Variants in PHLPP2 observed in about 807,000 individuals in gnomAD.
PHLPP2 encodes PH domain and leucine rich repeat protein phosphatase 2.
In PHLPP2, 66 loss-of-function variants were observed where a neutral mutation model predicts 124.9. That is an observed-to-expected ratio of 0.53 (90% confidence interval 0.43 to 0.65). PHLPP2 has a LOEUF of 0.65. Among genes scored for constraint, PHLPP2 ranks in the 30% least tolerant of loss-of-function variants. The pLI is 0.00. For synonymous variants in PHLPP2, 681 were observed against 624.7 expected, an observed-to-expected ratio of 1.09 and a Z score of -1.34; for missense variants, 1,685 against 1,600.4, an observed-to-expected ratio of 1.05 and a Z score of -0.90.
At position 71,713,944 on chromosome 16, in the gene PHLPP2, TC is replaced by T. The variant is rs200520804; in HGVS notation, c.284+567del. ...TTTTCAAAAAAAAAACAACAACTTT[TC>T]TTTTTTTTTTTTTTGAGACAGTGTC... is the stretch of plus-strand genomic sequence containing the variant. On this transcript the variant is annotated intron_variant, in intron 2 of 18. Transcript: ENST00000568954. Among the ~76,000 whole-genome samples the T allele has an allele frequency of 2.9e-3, 423 of 146,578 alleles. 5 individuals carry two copies. Among genetic ancestry groups the T allele is most frequent in the Non-Finnish European group, 4.6e-3 (305 of 66,520 alleles).
chr16:71,668,499 CGCCTGTAATCTCAACACTTTGGGAG>C (rs1567616242), intron 11 of PHLPP2, among the ~76,000 whole-genome samples: 2 of 150,092 alleles, frequency 1.3e-5, no homozygotes, highest in African/African-American at 4.9e-5. Context: ...TGGTGGCTCA[CGCCTGTAATCTCAACACTTTGGGAG>C]GCTGAGATGG....
chr16:71,663,788 G>T (rs901863208), intron 13 of PHLPP2, 111 bp downstream of exon 13: 2 of 807,748 alleles, frequency 2.5e-6, no homozygotes, highest in African/African-American at 1.7e-5. Flanking sequence ...CATAGCATCT[G>T]TAAGTCAGTG....
At position 71,672,291 on chromosome 16, in the gene PHLPP2, G is replaced by A. The variant is rs1267480214; in HGVS notation, c.1503C>T (p.Pro501=). The A allele has an allele frequency of 1.4e-5, 23 of 1,613,566 alleles. No individual in the cohort carries two copies. Among genetic ancestry groups the A allele is most frequent in the Admixed American group, 1.7e-5 (1 of 59,996 alleles). Residue 501 remains proline, a synonymous_variant, in exon 10 of 19, where the codon CCC becomes CCT. Transcript: ENST00000568954. ...AGAGATCCAAGAAAGTGAGCAGGCT[G>A]GGTACTGGATAGACGTTCACTGCTG... ...RLTAVNVYPV[P]SLLTFLDLSR...
chr16:71,648,813 G>C lies in PHLPP2; in HGVS notation c.*77C>G. 1.0e-6 allele frequency: 1 copy of C among 986,670 alleles called. No individual in the cohort carries two copies. The highest frequency in any genetic ancestry group is 1.5e-6 in the Non-Finnish European group (1 of 651,306). 61.1% of individuals were successfully genotyped at this position (986,670 alleles called of 1,614,324 possible). A position where few individuals can be genotyped will look rare whatever the true frequency, so the allele number is the denominator to read the frequency against. On this transcript the variant is annotated 3_prime_UTR_variant, in exon 19 of 19. Transcript: ENST00000568954. ...AAAAAACGAACAAACAAAAAGAAAT[G>C]TAGAGGCAGAATGCCTCTAGCAAGT... is the stretch of plus-strand genomic sequence containing the variant.
At chr16:71,711,156 C>A (rs1022032393) in intron 2 of PHLPP2, among the ~76,000 whole-genome samples, 6 of 151,992 alleles carry the variant, frequency 3.9e-5, no homozygotes, top group East Asian at 1.9e-4. Context: ...ATGGAGAAAC[C>A]CCGTCTCTAC....
intron 3 of PHLPP2, among the ~76,000 whole-genome samples, chr16:71,691,329 C>T (rs1165777703): frequency 1.3e-5 from 2 of 151,954 alleles, no homozygotes; most frequent in African/African-American, 4.8e-5. Context: ...GGCATGGTGG[C>T]GGACACCTAT....
intron 1 of PHLPP2, among the ~76,000 whole-genome samples, chr16:71,721,223 C>T (rs1249495056): frequency 4.3e-4 from 66 of 151,836 alleles, no homozygotes; most frequent in Non-Finnish European, 7.5e-4. Flanking sequence ...ATCCCAGCTA[C>T]TCAGGAAGCT....
At chr16:71,663,799 A>G in intron 13 of PHLPP2, 100 bp downstream of exon 13, 1 of 880,220 alleles carries the variant, frequency 1.1e-6, no homozygotes, top group East Asian at 2.6e-5. Flanking sequence ...TAAGTCAGTG[A>G]ACGTAAACAA....
Position 71,649,628 on chromosome 16 carries a change from A to C in PHLPP2, c.3234T>G (p.Ser1078=). 6.2e-7 allele frequency: 1 copy of C among 1,614,190 alleles called. No homozygotes were observed. Among genetic ancestry groups the C allele is most frequent in the Non-Finnish European group, 8.5e-7 (1 of 1,180,032 alleles). ...AGGTGGACATCTCACTGCTGAACTC[A>C]GAGGCAATCCCACTGCTAGAGGATG... ...ATPSSSSGIA[S]EFSSEMSTSE... is the part of the protein sequence containing the mutation. Residue 1078 remains serine, a synonymous_variant, in exon 19 of 19, where the codon TCT becomes TCG. Coordinates refer to ENST00000568954, the MANE Select transcript of PHLPP2 (RefSeq NM_015020.3).
chr16:71,664,226 A>T (rs76451430), intron 12 of PHLPP2, 127 bp from the exon 13 acceptor site: 1 of 668,178 alleles, frequency 1.5e-6, no homozygotes, highest in South Asian at 1.9e-5. Flanking sequence ...AAAAAAAAAA[A>T]TCTCCACGTA....
At chr16:71,714,206 C>T (rs1336919698) in intron 2 of PHLPP2, among the ~76,000 whole-genome samples, 1 of 152,066 alleles carries the variant, frequency 6.6e-6, no homozygotes, top group Non-Finnish European at 1.5e-5. Context: ...TCCCCAAGTG[C>T]TGGGATTATA....
intron 2 of PHLPP2, among the ~76,000 whole-genome samples, chr16:71,709,700 G>A (rs1337891987): frequency 6.6e-6 from 1 of 152,216 alleles, no homozygotes; most frequent in Non-Finnish European, 1.5e-5. Context: ...GCCAGCTGCA[G>A]GAATGTGCAT....
intron 12 of PHLPP2, among the ~76,000 whole-genome samples, chr16:71,665,897 T>C (rs1254458715): frequency 6.6e-6 from 1 of 152,228 alleles, no homozygotes; most frequent in Non-Finnish European, 1.5e-5. Context: ...TTGAAGACTA[T>C]CCAATCAACT....
chr16:71,720,669 A>T (rs986600596), intron 1 of PHLPP2, among the ~76,000 whole-genome samples: 28 of 151,130 alleles, frequency 1.9e-4, no homozygotes, highest in African/African-American at 6.1e-4. Flanking sequence ...CTTCAACACC[A>T]GCCTGACCAA....
In PHLPP2 at chr16:71,645,026, T is replaced by A. The variant is rs2044644075; in HGVS notation, c.*3864A>T. 3.5e-6 allele frequency: 1 copy of A among 282,330 alleles called. No individual in the cohort carries two copies. The highest frequency in any genetic ancestry group is 7.0e-6 in the Non-Finnish European group (1 of 143,552). The allele number at this position is 282,330 out of a possible 1,614,324, so 17.5% of individuals were successfully genotyped here. ...TTGCTGCAACATGCTCTGGCTCATA[T>A]TATTGAATTAAAAAATTTAACACAT... On this transcript the variant is annotated 3_prime_UTR_variant, in exon 19 of 19. Transcript: ENST00000568954.
chr16:71,665,277 T>C (rs1326155377), intron 12 of PHLPP2, among the ~76,000 whole-genome samples: 1 of 152,130 alleles, frequency 6.6e-6, no homozygotes, highest in Non-Finnish European at 1.5e-5. Context: ...GCCACCGCAC[T>C]CCAGCCTGGC....
In PHLPP2 at chr16:71,676,089, G is replaced by C. The variant is rs570044141; in HGVS notation, c.1471+358C>G. Among the ~76,000 whole-genome samples, 3 of 151,858 alleles carry C rather than the reference G, an allele frequency of 2.0e-5. No individual in the cohort carries two copies. The East Asian group carries it at 5.8e-4, about 29-fold the overall frequency. On this transcript the variant is annotated intron_variant, in intron 9 of 18. Coordinates refer to ENST00000568954, the MANE Select transcript of PHLPP2 (RefSeq NM_015020.3). ...AAAATGTAAAAACCATTCCGTATGG[G>C]CCATAAAAAAAGAGGTGGCAGGCCA...
chr16:71,659,753 T>C (rs896273542), intron 13 of PHLPP2, among the ~76,000 whole-genome samples: 1 of 152,214 alleles, frequency 6.6e-6, no homozygotes. Context: ...CTTCAGGTTA[T>C]TACAAATAGT....
chr16:71,658,962 C>T, intron 13 of PHLPP2, 147 bp from the exon 14 acceptor site: 1 of 698,190 alleles, frequency 1.4e-6, no homozygotes, highest in East Asian at 2.5e-5. Context: ...ACCAGGAATA[C>T]CAGGAAAGGC....
Sources: allele counts gnomAD v4.1 joint callset (sites outside exome capture counted in the v4.1 genomes callset), GRCh38; gene constraint gnomAD v4.1.1; transcripts MANE v1.5; gene names NCBI Gene and HGNC (gene_info 2026-07-23, HGNC 2026-07-21).